The following MEMO1 variants were observed in gnomAD, a reference collection of about 807,000 sequenced individuals.
MEMO1 encodes the protein protein MEMO1.
Under a neutral mutation model 45.2 loss-of-function variants are expected in MEMO1, and 6 were observed. The ratio of observed to expected loss-of-function variants is 0.13; its 90% CI spans 0.07 to 0.26. The LOEUF (loss-of-function observed/expected upper bound fraction) is 0.26. MEMO1 is among the 10% of genes least tolerant of loss of function. MEMO1 has a pLI of 1.00. For synonymous variants in MEMO1, 78 were observed against 124.3 expected (o/e 0.63, Z 2.48); for missense variants, 184 against 370.5 (o/e 0.50, Z 4.13).
chr2:31,880,277 AG>A (rs1303688187), intron 8 of MEMO1, among the ~76,000 whole-genome samples: 1 of 152,216 alleles, frequency 6.6e-6, no homozygotes, highest in Non-Finnish European at 1.5e-5. Context: ...TAGAAGTCAA[AG>A]GAGAGTTAAA....
chr2:31,920,955 C>T (rs1238079922), intron 4 of MEMO1, 45 bp from the exon 5 acceptor site: 1 of 1,240,386 alleles, frequency 8.1e-7, no homozygotes, highest in Non-Finnish European at 1.2e-6. Context: ...TGCACTTCTA[C>T]ACAAACCTTA....
At chr2:31,925,909 T>C (rs1683027559) in intron 4 of MEMO1, among the ~76,000 whole-genome samples, 1 of 152,214 alleles carries the variant, frequency 6.6e-6, no homozygotes, top group African/African-American at 2.4e-5. Context: ...TGATAAAACA[T>C]TTCTGCTGCA....
intron 6 of MEMO1, among the ~76,000 whole-genome samples, chr2:31,916,220 T>C (rs919793950): frequency 8.5e-5 from 13 of 152,296 alleles, no homozygotes; most frequent in African/African-American, 2.9e-4. Context: ...ATTGGTCTTA[T>C]TGTTTTTTGG....
At chr2:31,878,117 G>T (rs1259517594) in intron 8 of MEMO1, among the ~76,000 whole-genome samples, 14 of 152,206 alleles carry the variant, frequency 9.2e-5, no homozygotes, top group Admixed American at 9.2e-4. Context: ...GAAGGCCCCA[G>T]TGAGAAGGTG....
At chr2:31,999,146 T>C (rs1672960550) in intron 2 of MEMO1, among the ~76,000 whole-genome samples, 1 of 152,130 alleles carries the variant, frequency 6.6e-6, no homozygotes, top group South Asian at 2.1e-4. Flanking sequence ...CAATCACTTC[T>C]CACCATCTCC....
chr2:31,992,936 G>C (rs1433491349), intron 2 of MEMO1, among the ~76,000 whole-genome samples: 1 of 151,554 alleles, frequency 6.6e-6, no homozygotes, highest in Admixed American at 6.6e-5. Flanking sequence ...GAAAACTATG[G>C]AAAAAAAATC....
At chr2:31,884,443 T>G (rs1024294693) in intron 7 of MEMO1, among the ~76,000 whole-genome samples, 1 of 152,174 alleles carries the variant, frequency 6.6e-6, no homozygotes, top group Non-Finnish European at 1.5e-5. Flanking sequence ...ATGTGTCTTG[T>G]GCTTCACGTT....
At chr2:31,920,494 G>A (rs1682159582) in intron 5 of MEMO1, among the ~76,000 whole-genome samples, 2 of 151,992 alleles carry the variant, frequency 1.3e-5, no homozygotes, top group South Asian at 2.1e-4. Flanking sequence ...AAATTGGTAT[G>A]GGTACTAATT....
chr2:31,873,264 G>A (rs941786420), intron 8 of MEMO1, among the ~76,000 whole-genome samples: 6 of 152,158 alleles, frequency 3.9e-5, no homozygotes, highest in South Asian at 2.1e-4. Flanking sequence ...CCCATTCAGC[G>A]CTAAGATATA....
At chr2:31,966,602 G>C (rs773417568) in intron 2 of MEMO1, among the ~76,000 whole-genome samples, 1 of 151,828 alleles carries the variant, frequency 6.6e-6, no homozygotes, top group Non-Finnish European at 1.5e-5. Context: ...ATGGTGGCAC[G>C]ACCTGTAGTC....
At chr2:31,887,762 C>A (rs1457466461) in intron 7 of MEMO1, among the ~76,000 whole-genome samples, 1 of 152,000 alleles carries the variant, frequency 6.6e-6, no homozygotes, top group Non-Finnish European at 1.5e-5. Flanking sequence ...TTTGAGAAGA[C>A]AAATATGATG....
intron 7 of MEMO1, among the ~76,000 whole-genome samples, chr2:31,885,813 A>G (rs1479057688): frequency 1.3e-5 from 2 of 152,240 alleles, no homozygotes; most frequent in Non-Finnish European, 2.9e-5. Flanking sequence ...AGAAAAACGC[A>G]TATACTACAT....
chr2:31,923,814 G>A (rs1682687447), intron 4 of MEMO1: 5 of 1,443,844 alleles, frequency 3.5e-6, no homozygotes, highest in Admixed American at 2.6e-5. Flanking sequence ...TCCTAAGTAA[G>A]TGTAATAAGG....
chr2:31,875,103 AT>A, intron 8 of MEMO1, among the ~76,000 whole-genome samples: 1 of 152,208 alleles, frequency 6.6e-6, no homozygotes, highest in East Asian at 1.9e-4. Context: ...AAATAAATAT[AT>A]CTCAACAAAT....
At chr2:31,875,727 C>G (rs1280554894) in intron 8 of MEMO1, among the ~76,000 whole-genome samples, 1 of 152,020 alleles carries the variant, frequency 6.6e-6, no homozygotes, top group Non-Finnish European at 1.5e-5. Context: ...AGCTCTGTCC[C>G]CAGAGCTGGA....
At chr2:31,935,208 T>C (rs1175616786) in intron 3 of MEMO1, among the ~76,000 whole-genome samples, 1 of 152,180 alleles carries the variant, frequency 6.6e-6, no homozygotes. Flanking sequence ...CAGCCAGGAC[T>C]GCCTGGCTCT....
Position 32,006,920 on chromosome 2 carries a change from G to A in MEMO1, c.61+3267C>T, listed in dbSNP as rs187785301. On this transcript the variant is annotated intron_variant, in intron 2 of 9. Coordinates refer to ENST00000404530, the MANE Select transcript of MEMO1 (RefSeq NM_001301833.4). ...GTGGAGGCTGCAGTGAGCCAAGATC[G>A]TGCCATTGCACTCCACCCTGGGCAA... 5.5e-3 allele frequency among the ~76,000 whole-genome samples: 788 copies of A among 142,062 alleles called. 3 individuals are homozygous for A. Among genetic ancestry groups the A allele is most frequent in the Non-Finnish European group, 7.0e-3 (465 of 66,534 alleles). 93.2% of individuals were successfully genotyped at this position (142,062 alleles called of 152,430 possible).
intron 5 of MEMO1, among the ~76,000 whole-genome samples, chr2:31,920,166 C>T (rs915766438): frequency 1.3e-5 from 2 of 151,444 alleles, no homozygotes; most frequent in African/African-American, 4.9e-5. Flanking sequence ...AAATTACTCC[C>T]CCCCCCAAAA....
At position 31,867,948 on chromosome 2, in the gene MEMO1, C is replaced by A. The variant is rs1456365194; in HGVS notation, c.*413G>T. 6.6e-6 allele frequency: 1 copy of A among 151,836 alleles called. No individual in the cohort carries two copies. Among genetic ancestry groups the A allele is most frequent in the African/African-American group, 2.4e-5 (1 of 41,092 alleles). 9.4% of individuals were successfully genotyped at this position (151,836 alleles called of 1,614,324 possible). ...TACAGATCATTTATAAATGCAATTT[C>A]TTTATTAAAAAGCTTCCACCTTTTT... On this transcript the variant is annotated 3_prime_UTR_variant, in exon 10 of 10. Transcript: ENST00000404530.
Sources: gnomAD v4.1 joint callset for allele counts (sites outside exome capture counted in the v4.1 genomes callset) on GRCh38, gnomAD v4.1.1 for gene constraint, MANE v1.5 for transcripts, NCBI Gene and HGNC (gene_info 2026-07-23, HGNC 2026-07-21) for gene names.